The following CREM variants were observed in gnomAD, a reference collection of about 807,000 sequenced individuals.
CREM encodes the protein cAMP-responsive element modulator.
Under a neutral mutation model 37.3 loss-of-function variants are expected in CREM, and 13 were observed. That is an observed-to-expected ratio of 0.35 (90% confidence interval 0.23 to 0.55). The LOEUF is 0.55. CREM is among the 20% of genes least tolerant of loss of function. CREM has a pLI of 0.88. For missense variants in CREM, 296 were observed against 362.3 expected (o/e 0.82, Z 1.49); for synonymous variants, 124 against 120.2 (o/e 1.03, Z -0.21).
intron 6 of CREM, among the ~76,000 whole-genome samples, chr10:35,194,955 CT>C (rs2095086849): frequency 6.6e-6 from 1 of 151,834 alleles, no homozygotes; most frequent in African/African-American, 2.4e-5. Context: ...AAACAGATTT[CT>C]ATGTAAAAAT....
At chr10:35,171,989 G>T (rs2093841936) in intron 3 of CREM, among the ~76,000 whole-genome samples, 2 of 152,172 alleles carry the variant, frequency 1.3e-5, no homozygotes, top group South Asian at 4.1e-4. Context: ...CATGGTGGTG[G>T]GTGGGAGAAG....
At chr10:35,206,771 T>A (rs1268369949) in intron 6 of CREM, 124 bp from the exon 7 acceptor site, 1 of 895,944 alleles carries the variant, frequency 1.1e-6, no homozygotes, top group Non-Finnish European at 1.8e-6. Context: ...AGAATAATTA[T>A]CTTAAACATT....
At chr10:35,186,615 T>C (rs2094561218) in intron 5 of CREM, among the ~76,000 whole-genome samples, 1 of 145,154 alleles carries the variant, frequency 6.9e-6, no homozygotes, top group Non-Finnish European at 1.5e-5. Flanking sequence ...TATATTTATA[T>C]ATAAATATAT....
At chr10:35,129,500 A>G (rs541990944) in intron 1 of CREM, among the ~76,000 whole-genome samples, 10 of 152,308 alleles carry the variant, frequency 6.6e-5, no homozygotes, top group African/African-American at 2.4e-4. Flanking sequence ...CTTTACCAAC[A>G]TAGACATATA....
chr10:35,187,074 TAATATATATAATATATA>T (rs1564920784), intron 5 of CREM, among the ~76,000 whole-genome samples: 2 of 58,824 alleles, frequency 3.4e-5, no homozygotes, highest in African/African-American at 1.3e-4. Context: ...ATTAATATAA[TAATATATATAATATATA>T]ATATATATGA....
At chr10:35,197,331 T>C (rs1275175520) in intron 6 of CREM, among the ~76,000 whole-genome samples, 1 of 152,060 alleles carries the variant, frequency 6.6e-6, no homozygotes, top group Non-Finnish European at 1.5e-5. Flanking sequence ...ATTTTGCCTT[T>C]GGAAATCATA....
At chr10:35,128,505 G>T (rs1285158514) in intron 1 of CREM, among the ~76,000 whole-genome samples, 11 of 150,964 alleles carry the variant, frequency 7.3e-5, no homozygotes. Context: ...TTTGCTTTGA[G>T]CGCCACGTTT....
chr10:35,149,889 A>AAAACACAC (rs2092449502), intron 3 of CREM, among the ~76,000 whole-genome samples: 1 of 111,830 alleles, frequency 8.9e-6, no homozygotes, highest in African/African-American at 3.4e-5. Flanking sequence ...CTTTTGCTTA[A>AAAACACAC]ACACACACAC....
intron 7 of CREM, chr10:35,209,391 G>A (rs1428371371): frequency 2.0e-6 from 2 of 982,914 alleles, no homozygotes; most frequent in East Asian, 1.1e-4. Context: ...CCTGAAAACC[G>A]AGCTCACTAT....
intron 6 of CREM, among the ~76,000 whole-genome samples, chr10:35,190,755 G>A (rs908652787): frequency 2.0e-5 from 3 of 152,074 alleles, no homozygotes; most frequent in East Asian, 3.9e-4. Flanking sequence ...TCCACCTCCC[G>A]GGTTCACGCC....
intron 3 of CREM, among the ~76,000 whole-genome samples, chr10:35,149,760 T>A (rs1241145170): frequency 6.6e-6 from 1 of 152,110 alleles, no homozygotes; most frequent in African/African-American, 2.4e-5. Context: ...TTCTTTCCTC[T>A]TTAAAGCTGC....
At chr10:35,167,860 G>T in intron 3 of CREM, 1 of 1,448,492 alleles carries the variant, frequency 6.9e-7, no homozygotes, top group East Asian at 2.3e-5. Context: ...GAAAAGAGGG[G>T]TAAAAATTGT....
intron 7 of CREM, among the ~76,000 whole-genome samples, chr10:35,211,051 G>A (rs1442941280): frequency 2.0e-5 from 3 of 152,212 alleles, no homozygotes; most frequent in Non-Finnish European, 2.9e-5. Context: ...TGAATGCTGG[G>A]CGAACTGTGT....
rs188645751 is a variant in CREM at position 35,144,298 on chromosome 10, G to A, written c.45-4070G>A. On this transcript the variant is annotated intron_variant, in intron 2 of 7. Transcript: ENST00000685392. ...ATCCTGACTGATGTTTAGCTTTGTG[G>A]GGTTGCTTTTTGTGGTTGATCTCAT... Among the ~76,000 whole-genome samples the A allele has an allele frequency of 2.0e-5, 3 of 152,230 alleles. No homozygotes were observed. The East Asian group carries it at 5.8e-4, about 29-fold the overall frequency.
intron 6 of CREM, among the ~76,000 whole-genome samples, chr10:35,188,937 G>A (rs12098275): frequency 0.027 from 4,070 of 152,214 alleles, 178 homozygotes; most frequent in African/African-American, 0.089. Context: ...GCCTCCTAAA[G>A]TGCTGGGATT....
At chr10:35,186,843 T>G (rs1431349976) in intron 5 of CREM, among the ~76,000 whole-genome samples, 1 of 115,734 alleles carries the variant, frequency 8.6e-6, no homozygotes, top group Non-Finnish European at 1.6e-5. Flanking sequence ...TAGGTATATA[T>G]ACGTATATAT....
At chr10:35,158,798 G>GTGTTTTTTTTTTTTTTTTT (rs2093078412) in intron 3 of CREM, among the ~76,000 whole-genome samples, 1 of 100,840 alleles carries the variant, frequency 9.9e-6, no homozygotes, top group African/African-American at 3.5e-5. Flanking sequence ...CAAATATAGT[G>GTGTTTTTTTTTTTTTTTTT]TTTTTTTTTT....
intron 3 of CREM, among the ~76,000 whole-genome samples, chr10:35,177,111 G>A (rs537490530): frequency 2.6e-4 from 40 of 152,002 alleles, no homozygotes; most frequent in African/African-American, 7.2e-4. Flanking sequence ...ATGGAGACAC[G>A]TATACATAGT....
intron 2 of CREM, among the ~76,000 whole-genome samples, chr10:35,141,944 C>T (rs1372371164): frequency 1.3e-5 from 2 of 152,114 alleles, no homozygotes; most frequent in African/African-American, 4.8e-5. Flanking sequence ...ATGTTGTCAA[C>T]GGTTTGAATG....
Sources: gnomAD v4.1 joint callset for allele counts (sites outside exome capture counted in the v4.1 genomes callset) on GRCh38, gnomAD v4.1.1 for gene constraint, MANE v1.5 for transcripts, NCBI Gene and HGNC (gene_info 2026-07-23, HGNC 2026-07-21) for gene names.